Variants in DDX46 observed in about 807,000 individuals in gnomAD.
The protein encoded by DDX46 is probable ATP-dependent RNA helicase DDX46.
DDX46 carries 30 observed loss-of-function variants against 134.9 expected under a neutral mutation model. The observed-to-expected ratio is 0.22, with a 90% CI of 0.17 to 0.30. The LOEUF (loss-of-function observed/expected upper bound fraction) is 0.30, where lower values mean the gene tolerates loss of function less well. DDX46 is among the 10% of genes least tolerant of loss of function. The pLI, the probability that DDX46 is intolerant of heterozygous loss-of-function variation, is 1.00. For missense variants in DDX46, 622 were observed against 1,248.7 expected (o/e 0.50, Z 7.56); for synonymous variants, 415 against 404.1 (o/e 1.03, Z -0.32).
At chr5:134,814,188 A>C (rs1486602913) in intron 18 of DDX46, among the ~76,000 whole-genome samples, 1 of 152,192 alleles carries the variant, frequency 6.6e-6, no homozygotes, top group Non-Finnish European at 1.5e-5. Flanking sequence ...AACTGTACCT[A>C]ATTTATAAAT....
intron 3 of DDX46, among the ~76,000 whole-genome samples, chr5:134,767,825 C>T (rs966919707): frequency 4.0e-5 from 6 of 151,654 alleles, no homozygotes; most frequent in African/African-American, 1.2e-4. Context: ...TGGCGTATGC[C>T]TGTAATCCCA....
At chr5:134,822,361 C>T (rs1755479979) in intron 21 of DDX46, among the ~76,000 whole-genome samples, 1 of 152,072 alleles carries the variant, frequency 6.6e-6, no homozygotes, top group Non-Finnish European at 1.5e-5. Flanking sequence ...GAGACAGGGT[C>T]TTGATCTGTC....
In DDX46 at chr5:134,773,793, T is replaced by C; in HGVS notation, c.545T>C (p.Ile182Thr). The C allele has an allele frequency of 2.5e-6, 4 of 1,612,508 alleles. No homozygotes were observed. Among genetic ancestry groups the C allele is most frequent in the South Asian group, 2.2e-5 (2 of 90,828 alleles). The change falls in exon 5 of 23, where the codon ATA (isoleucine) becomes ACA (threonine). Residue 182 changes from isoleucine to threonine, a missense_variant. By Grantham distance (89) the Ile-to-Thr change is moderately conservative (BLOSUM62 -1). This residue lies in a region of DDX46 where 244 missense variants were observed against 349.3 expected (regional missense o/e 0.70). Transcript: ENST00000452510. ...EEQRKKAMENIGELKKEIEEM... is the reference protein window; with the variant it reads ...EEQRKKAMENTGELKKEIEEM... ...CAACGTAAAAAGGCTATGGAAAACA[T>C]AGGAGAACTGAAAAAGGAAATCGAA...
chr5:134,785,929 A>G (rs943489512), intron 11 of DDX46, among the ~76,000 whole-genome samples: 11 of 151,650 alleles, frequency 7.3e-5, no homozygotes, highest in African/African-American at 2.4e-4. Context: ...GCTCACTGCA[A>G]CCTCTGCCTC....
At position 134,794,871 on chromosome 5, in the gene DDX46, G is replaced by A. The variant is rs142187481; in HGVS notation, c.1648G>A (p.Val550Ile). The change falls in exon 14 of 23, where the codon GTT becomes ATT. Residue 550 changes from valine to isoleucine, a missense_variant. Coordinates refer to ENST00000452510, the MANE Select transcript of DDX46 (RefSeq NM_001300860.2). The part of the protein sequence containing the change: ...EPQVMRIVDN[V>I]RPDRQTVMFS... ...TCAGGTCATGCGCATCGTGGATAAT[G>A]TTCGTCCTGATCGACAGACGGTTAT... The A allele has an allele frequency of 6.2e-7, 1 of 1,614,098 alleles. No homozygotes were observed. Among genetic ancestry groups the A allele is most frequent in the Non-Finnish European group, 8.5e-7 (1 of 1,180,046 alleles).
At chr5:134,787,390 G>A (rs1244442176) in intron 11 of DDX46, among the ~76,000 whole-genome samples, 1 of 152,160 alleles carries the variant, frequency 6.6e-6, no homozygotes, top group African/African-American at 2.4e-5. Context: ...TTCTTAATAA[G>A]CTAATGTATA....
chr5:134,761,135 C>G (rs1165270828), intron 1 of DDX46, among the ~76,000 whole-genome samples: 4 of 152,164 alleles, frequency 2.6e-5, no homozygotes, highest in African/African-American at 9.7e-5. Context: ...AAGAGATCCT[C>G]CCACCTCAGC....
chr5:134,790,434 G>A, intron 12 of DDX46, 36 bp from the exon 13 acceptor site: 1 of 1,573,362 alleles, frequency 6.4e-7, no homozygotes, highest in Non-Finnish European at 8.6e-7. Flanking sequence ...CTGATTTTTA[G>A]TTTTCTTTTT....
At chr5:134,783,371 A>T (rs1754218228) in intron 9 of DDX46, among the ~76,000 whole-genome samples, 1 of 149,252 alleles carries the variant, frequency 6.7e-6, no homozygotes, top group Non-Finnish European at 1.5e-5. Context: ...CTCCTGCCTC[A>T]GCCTTCCGAG....
intron 9 of DDX46, among the ~76,000 whole-genome samples, chr5:134,783,980 C>G (rs979924718): frequency 7.2e-5 from 11 of 151,862 alleles, no homozygotes; most frequent in Non-Finnish European, 1.6e-4. Context: ...CCACTGCGCC[C>G]TGCCTAATTT....
intron 16 of DDX46, among the ~76,000 whole-genome samples, chr5:134,810,816 G>A (rs1443454137): frequency 6.6e-6 from 1 of 151,396 alleles, no homozygotes; most frequent in Non-Finnish European, 1.5e-5. Flanking sequence ...GACCAGCCTG[G>A]CCGACATGGT....
In DDX46 at chr5:134,781,974, A is replaced by G. The variant is rs370456919; in HGVS notation, c.933A>G (p.Gln311=). ...VDLQTALTGY[Q]TKQRKLLEPV... is the part of the protein sequence containing the mutation. ...TTCAGACAGCCCTTACAGGGTATCA[A>G]ACAAAACAGCGAAAGCTTCTAGAAC... Residue 311 remains glutamine (Q), a synonymous_variant, in exon 8 of 23, where the codon CAA becomes CAG. Coordinates refer to ENST00000452510, the MANE Select transcript of DDX46 (RefSeq NM_001300860.2). 104 of 1,611,640 alleles carry G rather than the reference A, an allele frequency of 6.5e-5. 1 individual carries two copies. Among genetic ancestry groups the G allele is most frequent in the Non-Finnish European group, 8.0e-5 (94 of 1,179,526 alleles).
intron 15 of DDX46, among the ~76,000 whole-genome samples, chr5:134,802,581 T>C (rs568721739): frequency 6.6e-5 from 10 of 152,144 alleles, no homozygotes; most frequent in African/African-American, 9.6e-5. Flanking sequence ...ATTTTTTTAG[T>C]TCTAAAATTA....
chr5:134,816,981 T>A, intron 19 of DDX46: 1 of 192,308 alleles, frequency 5.2e-6, no homozygotes, highest in South Asian at 1.1e-4. Flanking sequence ...ATCAATATGG[T>A]CTTAAACAGT....
chr5:134,820,211 C>T (rs1044215677), intron 21 of DDX46, among the ~76,000 whole-genome samples: 7 of 152,166 alleles, frequency 4.6e-5, no homozygotes, highest in Non-Finnish European at 1.0e-4. Context: ...TGAGCCACCG[C>T]GCCCAGCCCA....
At chr5:134,795,136 A>G (rs1463163441) in intron 14 of DDX46, 122 bp downstream of exon 14, 3 of 1,072,242 alleles carry the variant, frequency 2.8e-6, no homozygotes, top group Admixed American at 5.1e-5. Flanking sequence ...GTATACCACT[A>G]CTCTAGCCTT....
chr5:134,761,671 T>A (rs1335605901), intron 1 of DDX46, among the ~76,000 whole-genome samples: 1 of 152,242 alleles, frequency 6.6e-6, no homozygotes, highest in East Asian at 1.9e-4. Context: ...ACCTTCTCCC[T>A]GGATTTCTCC....
intron 15 of DDX46, among the ~76,000 whole-genome samples, chr5:134,798,237 CT>C (rs551085246): frequency 6.6e-6 from 1 of 151,140 alleles, no homozygotes; most frequent in Non-Finnish European, 1.5e-5. Context: ...GTCACCCAGG[CT>C]GGAGTGCAGT....
rs902082901 is a variant in DDX46, at chr5:134,777,978, A to G, written c.765+253A>G. The stretch of plus-strand genomic sequence containing the variant: ...TTGCTTACATATTAACCTTTTTAAT[A>G]AGTTCTCTGGAGACTTCTCTAGCAC... On this transcript the variant is annotated intron_variant, in intron 6 of 22. Coordinates refer to ENST00000452510, the MANE Select transcript of DDX46 (RefSeq NM_001300860.2). 1.5e-5 allele frequency: 5 copies of G among 337,336 alleles called. No homozygotes were observed. The East Asian group carries it at 2.9e-4, about 19-fold the overall frequency. 20.9% of individuals were successfully genotyped at this position (337,336 alleles called of 1,614,324 possible).
Sources: gnomAD v4.1 joint callset for allele counts (sites outside exome capture counted in the v4.1 genomes callset) on GRCh38, gnomAD v4.1.1 for gene constraint, gnomAD v4.1.1 regional missense constraint, MANE v1.5 for transcripts, NCBI Gene and HGNC (gene_info 2026-07-23, HGNC 2026-07-21) for gene names.